The following ABCB5 variants were observed in gnomAD, a reference collection of about 807,000 sequenced individuals.
The protein encoded by ABCB5 is ATP-binding cassette sub-family B member 5.
In ABCB5, 155 loss-of-function variants were observed where a neutral mutation model predicts 144.2. That is an observed-to-expected ratio of 1.08 (90% CI 0.94 to 1.23). The LOEUF is 1.23. ABCB5 is among the 50% of genes most tolerant of loss of function. The pLI is 0.00. For missense variants in ABCB5, 1,830 were observed against 1,520.8 expected (o/e 1.20, Z -3.38); for synonymous variants, 610 against 528.6 (o/e 1.15, Z -2.11).
At chr7:20,666,706 T>C (rs1014531705) in intron 14 of ABCB5, 1 of 1,575,564 alleles carries the variant, frequency 6.3e-7, no homozygotes, top group African/African-American at 1.4e-5. Flanking sequence ...TTGTGTAATC[T>C]GTGAAGTAGG....
At chr7:20,676,406 T>G (rs773436460) in intron 14 of ABCB5, among the ~76,000 whole-genome samples, 1 of 151,976 alleles carries the variant, frequency 6.6e-6, no homozygotes, top group Non-Finnish European at 1.5e-5. Flanking sequence ...CAAGGAAATA[T>G]TAATAAGCCT....
intron 23 of ABCB5, among the ~76,000 whole-genome samples, chr7:20,729,582 C>G (rs975621622): frequency 5.3e-5 from 8 of 152,162 alleles, no homozygotes; most frequent in Admixed American, 3.9e-4. Flanking sequence ...TCTAATGCAA[C>G]TGCTAAATTA....
At position 20,728,292 on chromosome 7, in the gene ABCB5, T is replaced by A. The variant is rs910356290; in HGVS notation, c.2727-23T>A. ...CTTGCTATAATTCATGCCTCATTAT[T>A]TGGTAAATTTTGTACATTCCAGAAA... On this transcript the variant is annotated intron_variant, in intron 22 of 27. Transcript: ENST00000404938. 1.9e-6 allele frequency: 3 copies of A among 1,610,860 alleles called. No individual in the cohort carries two copies. The African/African-American group carries it at 4.0e-5, about 22-fold the overall frequency.
intron 26 of ABCB5, 81 bp downstream of exon 26, chr7:20,745,519 T>A: frequency 2.5e-6 from 3 of 1,218,372 alleles, no homozygotes. Flanking sequence ...GTTGTTTTTA[T>A]GTATTCCTTG....
At chr7:20,690,006 A>G (rs139529465) in intron 16 of ABCB5, among the ~76,000 whole-genome samples, 73 of 152,316 alleles carry the variant, frequency 4.8e-4, no homozygotes, top group African/African-American at 1.7e-3. Flanking sequence ...TTAGGCCATC[A>G]TGACAAGTTT....
chr7:20,618,706 C>T (rs184285361), intron 1 of ABCB5, among the ~76,000 whole-genome samples: 39 of 151,212 alleles, frequency 2.6e-4, no homozygotes, highest in Admixed American at 2.6e-3. Flanking sequence ...AAGATAATAG[C>T]CTCCAGCTGC....
intron 20 of ABCB5, among the ~76,000 whole-genome samples, chr7:20,719,654 G>A (rs990485798): frequency 3.3e-5 from 5 of 152,200 alleles, no homozygotes; most frequent in African/African-American, 1.2e-4. Context: ...CCCGTGCAGG[G>A]AAGCAGAGCC....
chr7:20,647,400 T>C (rs971827199), intron 9 of ABCB5, 135 bp from the exon 10 acceptor site: 1 of 1,388,192 alleles, frequency 7.2e-7, no homozygotes, highest in African/African-American at 1.5e-5. Flanking sequence ...TTTTATTTGG[T>C]CATATCTTCC....
At chr7:20,715,568 C>T (rs1387547603) in intron 20 of ABCB5, among the ~76,000 whole-genome samples, 2 of 151,818 alleles carry the variant, frequency 1.3e-5, no homozygotes, top group Non-Finnish European at 2.9e-5. Flanking sequence ...GCCACTGTGC[C>T]TGGCTAATTT....
At chr7:20,739,978 T>C (rs1401918691) in intron 24 of ABCB5, among the ~76,000 whole-genome samples, 1 of 152,198 alleles carries the variant, frequency 6.6e-6, no homozygotes, top group East Asian at 1.9e-4. Context: ...ACGCCTGTAA[T>C]CCCAGCACTT....
At chr7:20,650,257 G>A in intron 12 of ABCB5, 110 bp downstream of exon 12, 1 of 1,374,468 alleles carries the variant, frequency 7.3e-7, no homozygotes. Flanking sequence ...TGGGAGAGAA[G>A]CCATATTGTT....
intron 11 of ABCB5, 99 bp from the exon 12 acceptor site, chr7:20,649,907 AAATTTGTTTTTAGAAG>A (rs545544623): frequency 6.7e-5 from 77 of 1,157,526 alleles, no homozygotes; most frequent in Non-Finnish European, 8.8e-5. Flanking sequence ...AACAAGATCT[AAATTTGTTTTTAGAAG>A]AATTTGTTTT....
chr7:20,681,010 CTTTCTTTCTTTCTTTCTTTCTT>C (rs1562558902), intron 14 of ABCB5, among the ~76,000 whole-genome samples: 121 of 6,552 alleles, frequency 0.018, 6 homozygotes, highest in African/African-American at 0.06. Flanking sequence ...TTCTTTCTTT[CTTTCTTTCTTTCTTTCTTTCTT>C]TCTCTTTCTT....
rs1426963758 is a variant in ABCB5, at chr7:20,658,600, A to G, written c.1631A>G (p.Lys544Arg). 1.2e-6 allele frequency: 2 copies of G among 1,613,686 alleles called. No individual in the cohort carries two copies. Among genetic ancestry groups the G allele is most frequent in the Non-Finnish European group, 1.7e-6 (2 of 1,180,026 alleles). Residue 544 changes from lysine to arginine, a missense_variant, in exon 14 of 28, where the codon AAG (lysine) becomes AGG (arginine). Physicochemically the swap from Lys to Arg is conservative, Grantham distance 26. Coordinates refer to ENST00000404938, the MANE Select transcript of ABCB5 (RefSeq NM_001163941.2). ...GCTCGTGCCTTAGTTCGAAACCCCA[A>G]GATTCTGATTTTAGATGAGGCTACG... ...AIARALVRNP[K>R]ILILDEATSA...
At chr7:20,626,072 T>C (rs1464828847) in intron 2 of ABCB5, among the ~76,000 whole-genome samples, 3 of 152,256 alleles carry the variant, frequency 2.0e-5, no homozygotes, top group South Asian at 2.1e-4. Flanking sequence ...GAAGGAGAAA[T>C]GCTATATGAT....
At chr7:20,745,182 G>C (rs755336798) in intron 25 of ABCB5, 50 bp from the exon 26 acceptor site, 2 of 1,546,370 alleles carry the variant, frequency 1.3e-6, no homozygotes, top group Non-Finnish European at 1.8e-6. Flanking sequence ...ACTGTAACAT[G>C]ATACAGTTGT....
chr7:20,662,420 T>C (rs547586520), intron 14 of ABCB5, among the ~76,000 whole-genome samples: 5 of 152,318 alleles, frequency 3.3e-5, no homozygotes, highest in African/African-American at 1.2e-4. Context: ...CTGGATTAAA[T>C]TAAGTTCTAA....
Position 20,740,925 on chromosome 7 carries a change from G to T in ABCB5, c.3024+1786G>T, listed in dbSNP as rs546016087. On this transcript the variant is annotated intron_variant, in intron 24 of 27. Transcript: ENST00000404938. ...AGTTCAAGTTCAGCCTGGTTAACAT[G>T]GCAAAGCCCCATCGCTAACAAAAAC... 2.0e-5 allele frequency among the ~76,000 whole-genome samples: 3 copies of T among 151,876 alleles called. No individual in the cohort carries two copies. The East Asian group carries it at 5.8e-4, about 29-fold the overall frequency.
chr7:20,734,332 C>T (rs1320926741), intron 23 of ABCB5, among the ~76,000 whole-genome samples: 1 of 151,528 alleles, frequency 6.6e-6, no homozygotes, highest in African/African-American at 2.4e-5. Context: ...AGATAAAAAG[C>T]ACTTTGAGCC....
Sources: allele counts gnomAD v4.1 joint callset (sites outside exome capture counted in the v4.1 genomes callset), GRCh38; gene constraint gnomAD v4.1.1; transcripts MANE v1.5; gene names NCBI Gene and HGNC (gene_info 2026-07-23, HGNC 2026-07-21).